The following GDAP1L1 variants were observed in gnomAD, a reference collection of about 807,000 sequenced individuals.
GDAP1L1 encodes the protein ganglioside-induced differentiation-associated protein 1-like 1.
GDAP1L1 carries 21 observed loss-of-function variants against 37.1 expected under a neutral mutation model. The observed-to-expected ratio is 0.57, with a 90% confidence interval of 0.40 to 0.81. The LOEUF is 0.81. Among genes scored for constraint, GDAP1L1 ranks in the 40% least tolerant of loss-of-function variants. GDAP1L1 has a pLI of 0.00. For synonymous variants in GDAP1L1, 193 were observed against 209.1 expected (o/e 0.92, Z 0.67); for missense variants, 362 against 491.6 (o/e 0.74, Z 2.49).
At chr20:44,264,337 T>G in intron 4 of GDAP1L1, 108 bp from the exon 5 acceptor site, 3 of 1,297,784 alleles carry the variant, frequency 2.3e-6, no homozygotes, top group Non-Finnish European at 2.0e-6. Context: ...TTGGGGGGCA[T>G]TTGGAGGCTG....
chr20:44,272,644 A>C (rs1350407546), intron 5 of GDAP1L1, among the ~76,000 whole-genome samples: 1 of 152,142 alleles, frequency 6.6e-6, no homozygotes, highest in African/African-American at 2.4e-5. Flanking sequence ...GGAACACACA[A>C]GTAGAGGAGA....
intron 1 of GDAP1L1, among the ~76,000 whole-genome samples, chr20:44,251,234 T>A (rs1269996317): frequency 1.3e-5 from 2 of 151,966 alleles, no homozygotes; most frequent in East Asian, 3.9e-4. Context: ...ACAGAGGAGG[T>A]GATAATAAGA....
chr20:44,260,794 G>T (rs183513656), intron 3 of GDAP1L1, among the ~76,000 whole-genome samples: 6 of 152,330 alleles, frequency 3.9e-5, no homozygotes, highest in South Asian at 2.1e-4. Context: ...GGGTGGAAAT[G>T]GTCGTGGTGT....
intron 1 of GDAP1L1, among the ~76,000 whole-genome samples, chr20:44,251,405 T>A (rs1489627437): frequency 6.6e-6 from 1 of 152,154 alleles, no homozygotes; most frequent in South Asian, 2.1e-4. Context: ...AGCCTTCAGA[T>A]CCCAGGGGCA....
intron 5 of GDAP1L1, among the ~76,000 whole-genome samples, chr20:44,278,253 A>T (rs934053582): frequency 1.3e-5 from 2 of 151,742 alleles, no homozygotes; most frequent in African/African-American, 4.8e-5. Context: ...CATTACTGAG[A>T]TGGGGATGAG....
intron 3 of GDAP1L1, 80 bp downstream of exon 3, chr20:44,258,687 T>C: frequency 9.8e-7 from 1 of 1,018,210 alleles, no homozygotes; most frequent in Non-Finnish European, 1.5e-6. Flanking sequence ...GTCCTCCCTC[T>C]CCTGGGCCTC....
Position 44,249,784 on chromosome 20 carries a change from G to A in GDAP1L1, c.180+2270G>A, listed in dbSNP as rs1281042109. 8.5e-5 allele frequency among the ~76,000 whole-genome samples: 13 copies of A among 152,310 alleles called. No individual in the cohort carries two copies. The East Asian group carries it at 2.3e-3, about 27-fold the overall frequency. On this transcript the variant is annotated intron_variant, in intron 1 of 5. Transcript: ENST00000342560. Reference sequence around the variant, plus strand: ...TTCCCCCTACCCAGGGGCCCATGGTGGATTCTAGAAGCAGTGTAGCTTGGC... The same window carrying A: ...TTCCCCCTACCCAGGGGCCCATGGTAGATTCTAGAAGCAGTGTAGCTTGGC...
chr20:44,270,450 G>C (rs910320805), intron 5 of GDAP1L1, among the ~76,000 whole-genome samples: 3 of 152,172 alleles, frequency 2.0e-5, no homozygotes, highest in African/African-American at 7.2e-5. Context: ...GATTACAGGC[G>C]TGAGCCACCG....
At chr20:44,255,490 C>T (rs1315799190) in intron 1 of GDAP1L1, among the ~76,000 whole-genome samples, 8 of 134,544 alleles carry the variant, frequency 5.9e-5, no homozygotes, top group African/African-American at 2.0e-4. Context: ...TGCAGTGAGC[C>T]GAGATCGCAC....
At position 44,265,576 on chromosome 20, in the gene GDAP1L1, C is replaced by A. The variant is rs113529732; in HGVS notation, c.760+1017C>A. ...CAGCTTTGCTGCCTCAAATATGTAA[C>A]CTTGGACAAGTTGCTTTCCCTATTG... On this transcript the variant is annotated intron_variant, in intron 5 of 5. Transcript: ENST00000342560. The A allele has an allele frequency of 4.0e-4, 300 of 755,782 alleles. 1 individual carries two copies. The African/African-American group carries it at 5.0e-3, about 12-fold the overall frequency. The allele number at this position is 755,782 out of a possible 1,614,324, so 46.8% of individuals were successfully genotyped here. A position where few individuals can be genotyped will look rare whatever the true frequency, so the allele number is the denominator to read the frequency against.
rs550138756 is a variant in GDAP1L1, at chr20:44,252,394, C to T, written c.181-4759C>T. Among the ~76,000 whole-genome samples the T allele has an allele frequency of 4.0e-3, 609 of 152,218 alleles. 2 individuals carry two copies. Among genetic ancestry groups the T allele is most frequent in the Non-Finnish European group, 3.8e-3 (260 of 67,996 alleles). ...GTGGCTCGCGCCTGTAATCCCAGCACTTTGGGAGGCCAAGGCAGGCGGATC... is the reference window on the plus strand; with the variant it reads ...GTGGCTCGCGCCTGTAATCCCAGCATTTTGGGAGGCCAAGGCAGGCGGATC... On this transcript the variant is annotated intron_variant, in intron 1 of 5. Transcript: ENST00000342560.
upstream of GDAP1L1, chr20:44,247,210 A>G (rs959395427): frequency 1.0e-6 from 1 of 957,270 alleles, no homozygotes; most frequent in African/African-American, 1.6e-5. Flanking sequence ...CCGGTGAGTA[A>G]TGACATTCAC....
rs768525486 is a variant in GDAP1L1, at chr20:44,264,438, C to T, written c.646-7C>T. 4 of 1,483,880 alleles carry T rather than the reference C, an allele frequency of 2.7e-6. No individual in the cohort carries two copies. Among genetic ancestry groups the T allele is most frequent in the Non-Finnish European group, 2.7e-6 (3 of 1,117,362 alleles). 91.9% of individuals were successfully genotyped at this position (1,483,880 alleles called of 1,614,324 possible). A position where few individuals can be genotyped will look rare whatever the true frequency, so the allele number is the denominator to read the frequency against. ...CTCAGCTTCTCTTGGCCCTGTCCTG[C>T]CCCCAGGCCAAGATCTTGGAGCATG... On this transcript the variant is annotated splice_region_variant and splice_polypyrimidine_tract_variant and intron_variant, in intron 4 of 5. Coordinates refer to ENST00000342560, the MANE Select transcript of GDAP1L1 (RefSeq NM_024034.6).
At chr20:44,265,334 C>T in intron 5 of GDAP1L1, 1 of 985,400 alleles carries the variant, frequency 1.0e-6, no homozygotes, top group South Asian at 4.7e-5. Flanking sequence ...TTGCCTGTTG[C>T]ACACCATCTT....
intron 4 of GDAP1L1, among the ~76,000 whole-genome samples, chr20:44,263,537 G>T (rs531352957): frequency 6.6e-6 from 1 of 152,324 alleles, no homozygotes; most frequent in African/African-American, 2.4e-5. Context: ...CATGTGTTAG[G>T]TTGTGTCTTT....
intron 5 of GDAP1L1, among the ~76,000 whole-genome samples, chr20:44,277,155 G>A (rs1271582831): frequency 1.3e-5 from 2 of 152,182 alleles, no homozygotes; most frequent in East Asian, 3.9e-4. Flanking sequence ...CTCCTGAGAA[G>A]CTGGGATTAC....
chr20:44,253,510 T>C (rs1222851767), intron 1 of GDAP1L1, among the ~76,000 whole-genome samples: 2 of 152,134 alleles, frequency 1.3e-5, no homozygotes, highest in African/African-American at 4.8e-5. Flanking sequence ...ACCCAGCCCA[T>C]CACATAAACA....
At chr20:44,269,345 T>A (rs1054561561) in intron 5 of GDAP1L1, among the ~76,000 whole-genome samples, 1 of 152,120 alleles carries the variant, frequency 6.6e-6, no homozygotes, top group African/African-American at 2.4e-5. Flanking sequence ...GATGCACACA[T>A]TGCAAAGTGG....
chr20:44,269,079 G>T (rs1045670052), intron 5 of GDAP1L1, among the ~76,000 whole-genome samples: 2 of 152,012 alleles, frequency 1.3e-5, no homozygotes, highest in African/African-American at 4.8e-5. Flanking sequence ...CTGCATTTGC[G>T]GCCAGCAAAT....
Sources: allele counts gnomAD v4.1 joint callset (sites outside exome capture counted in the v4.1 genomes callset), GRCh38; gene constraint gnomAD v4.1.1; transcripts MANE v1.5; gene names NCBI Gene and HGNC (gene_info 2026-07-23, HGNC 2026-07-21).